Variants in AMPD3 observed in about 807,000 individuals in gnomAD.
The protein encoded by AMPD3 is AMP deaminase 3.
Under a neutral mutation model 82.3 loss-of-function variants are expected in AMPD3, and 57 were observed. The ratio of observed to expected loss-of-function variants is 0.69; its 90% CI spans 0.56 to 0.86. AMPD3 has a LOEUF of 0.86. Ranked by LOEUF, AMPD3 falls within the 40% of genes least tolerant of loss-of-function variation. The pLI is 0.00. For synonymous variants in AMPD3, 381 were observed against 394.7 expected, an observed-to-expected ratio of 0.97 and a Z score of 0.41; for missense variants, 870 against 1,003.8, an observed-to-expected ratio of 0.87 and a Z score of 1.80.
At chr11:10,473,438 G>T (rs545220947) in intron 2 of AMPD3, 2 of 985,308 alleles carry the variant, frequency 2.0e-6, no homozygotes, top group East Asian at 2.3e-4. Flanking sequence ...GATGAGTGGA[G>T]ATTACAGTAG....
chr11:10,483,797 T>C (rs1449318531), intron 4 of AMPD3, among the ~76,000 whole-genome samples: 1 of 152,234 alleles, frequency 6.6e-6, no homozygotes, highest in African/African-American at 2.4e-5. Context: ...CAAGCACAGA[T>C]GGAGGATGCC....
At chr11:10,497,600 G>C in intron 10 of AMPD3, 1 of 985,426 alleles carries the variant, frequency 1.0e-6, no homozygotes, top group Non-Finnish European at 1.2e-6. Flanking sequence ...TGGGGCACGG[G>C]GAAAGAATTG....
rs1198035274 is a variant in AMPD3 at position 10,455,319 on chromosome 11, AT to A, written c.-134del. 1.0e-6 allele frequency: 1 copy of A among 985,346 alleles called. No homozygotes were observed. The highest frequency in any genetic ancestry group is 1.2e-6 in the Non-Finnish European group (1 of 829,978). The allele number at this position is 985,346 out of a possible 1,614,324, so 61.0% of individuals were successfully genotyped here. On this transcript the variant is annotated 5_prime_UTR_variant, in exon 1 of 15. Transcript: ENST00000396553. ...CTTTGCACCCTGTGATGCCATTTTAATCAACCCTGCTTGGTTTTAGAGGATT... is the reference window on the plus strand; with the variant it reads ...CTTTGCACCCTGTGATGCCATTTTAACAACCCTGCTTGGTTTTAGAGGATT...
At position 10,458,175 on chromosome 11, in the gene AMPD3, A is replaced by T. The variant is rs144793661; in HGVS notation, c.-6+2727A>T. On this transcript the variant is annotated intron_variant, in intron 1 of 14. Coordinates refer to ENST00000396553, the MANE Select transcript of AMPD3 (RefSeq NM_001025389.2). Reference sequence around the variant, plus strand: ...CCTCTCAATAGTGTGGGTTAGGCTGATCTTGAACTCTTAGCCTCAAGTGAT... The same window carrying T: ...CCTCTCAATAGTGTGGGTTAGGCTGTTCTTGAACTCTTAGCCTCAAGTGAT... 4.0e-3 allele frequency among the ~76,000 whole-genome samples: 587 copies of T among 147,200 alleles called. 5 individuals carry two copies. Among genetic ancestry groups the T allele is most frequent in the African/African-American group, 0.014 (559 of 39,770 alleles).
chr11:10,501,431 G>T (rs10840430), intron 11 of AMPD3, 39 bp from the exon 12 acceptor site: 519,680 of 1,608,200 alleles, frequency 0.32, 85,617 homozygotes, highest in South Asian at 0.41. Context: ...GAGCCAACTG[G>T]GGGGGGCCTT....
intron 4 of AMPD3, 60 bp downstream of exon 4, chr11:10,482,285 G>A (rs1848933843): frequency 1.3e-6 from 2 of 1,581,140 alleles, no homozygotes; most frequent in South Asian, 2.2e-5. Context: ...GCTAGTCAGG[G>A]CTTTTTTCTG....
chr11:10,502,973 C>T (rs1172059238), intron 13 of AMPD3, 79 bp downstream of exon 13: 14 of 1,522,030 alleles, frequency 9.2e-6, no homozygotes, highest in Non-Finnish European at 9.1e-6. Flanking sequence ...GGAACCTGAG[C>T]CCATGGCTTA....
chr11:10,495,739 T>G lies in AMPD3; in HGVS notation c.1430+6T>G. The G allele has an allele frequency of 6.2e-7, 1 of 1,614,000 alleles. No homozygotes were observed. On this transcript the variant is annotated splice_donor_region_variant and intron_variant, in intron 9 of 14. Coordinates refer to ENST00000396553, the MANE Select transcript of AMPD3 (RefSeq NM_001025389.2). ...ATCCAGGTGCCCCGGATTTAGTAAGTGAGGTGGCCCGCTGTCTACCCTGTG... is the reference window on the plus strand; with the variant it reads ...ATCCAGGTGCCCCGGATTTAGTAAGGGAGGTGGCCCGCTGTCTACCCTGTG...
rs1392955247 is a variant in AMPD3, at chr11:10,496,392, G to A, written c.1431-420G>A. The stretch of plus-strand genomic sequence containing the variant: ...GCCTCTCCCTGGATGTCACTCAGAC[G>A]GCTGCTGTCCTCTCCAGGCGGCTGG... On this transcript the variant is annotated intron_variant, in intron 9 of 14. Coordinates refer to ENST00000396553, the MANE Select transcript of AMPD3 (RefSeq NM_001025389.2). 1.2e-5 allele frequency: 12 copies of A among 985,328 alleles called. No individual in the cohort carries two copies. In the South Asian group the frequency reaches 1.9e-4, roughly 15 times the overall value. The allele number at this position is 985,328 out of a possible 1,614,324, so 61.0% of individuals were successfully genotyped here.
In AMPD3 at chr11:10,495,695, T is replaced by A. The variant is rs1422792530; in HGVS notation, c.1392T>A (p.Ser464=). The A allele has an allele frequency of 8.1e-6, 13 of 1,614,064 alleles. No homozygotes were observed. Among genetic ancestry groups the A allele is most frequent in the Non-Finnish European group, 1.0e-5 (12 of 1,180,010 alleles). ...GGTTCATCCAGCACAAGGTCTACTCTCCCAACATGCGCTGGATCATCCAGG... is the reference window on the plus strand; with the variant it reads ...GGTTCATCCAGCACAAGGTCTACTCACCCAACATGCGCTGGATCATCCAGG... ...AYWFIQHKVY[S]PNMRWIIQVP... is the part of the protein sequence containing the mutation. The change falls in exon 9 of 15, where the codon TCT becomes TCA. Residue 464 remains serine (S), a synonymous_variant. Coordinates refer to ENST00000396553, the MANE Select transcript of AMPD3 (RefSeq NM_001025389.2).
rs1849737866 is a variant in AMPD3 at position 10,507,399 on chromosome 11, A to G, written c.*1515A>G. 6.6e-6 allele frequency: 1 copy of G among 152,218 alleles called. No homozygotes were observed. 9.4% of individuals were successfully genotyped at this position (152,218 alleles called of 1,614,324 possible). ...TTTTTACTAGGCAGATATATATGCT[A>G]TCTTACAGCTAATTATGAAATTGAA... On this transcript the variant is annotated 3_prime_UTR_variant, in exon 15 of 15. Coordinates refer to ENST00000396553, the MANE Select transcript of AMPD3 (RefSeq NM_001025389.2).
rs1849730322 is a variant in AMPD3 at position 10,507,045 on chromosome 11, A to G, written c.*1161A>G. ...CATTTTTAAAGATTAATCTGAATTA[A>G]GCTTTATCAGTGTACTCTTTATCTG... On this transcript the variant is annotated 3_prime_UTR_variant, in exon 15 of 15. Coordinates refer to ENST00000396553, the MANE Select transcript of AMPD3 (RefSeq NM_001025389.2). 6.6e-6 allele frequency: 1 copy of G among 152,618 alleles called. No homozygotes were observed. Among genetic ancestry groups the G allele is most frequent in the African/African-American group, 2.4e-5 (1 of 41,444 alleles). The allele number at this position is 152,618 out of a possible 1,614,324, so 9.5% of individuals were successfully genotyped here.
At position 10,505,690 on chromosome 11, in the gene AMPD3, A is replaced by G; in HGVS notation, c.2128-18A>G. 1 of 1,612,430 alleles carries G rather than the reference A, an allele frequency of 6.2e-7. No individual in the cohort carries two copies. Among genetic ancestry groups the G allele is most frequent in the South Asian group, 1.1e-5 (1 of 91,068 alleles). Reference sequence around the variant, plus strand: ...ATCAAAAGTATATAGTTTCATTTGTATTTCTCTTGGTCCACAGGAAAAGCA... The same window carrying G: ...ATCAAAAGTATATAGTTTCATTTGTGTTTCTCTTGGTCCACAGGAAAAGCA... On this transcript the variant is annotated intron_variant, in intron 14 of 14. Transcript: ENST00000396553.
rs1393644845 is a variant in AMPD3, at chr11:10,456,206, C to A, written c.-6+758C>A. ...TTCATATTCACGAGAGAATTTCCAG[C>A]CCAGGCTTTTCCTGCTCTGGCTCAC... On this transcript the variant is annotated intron_variant, in intron 1 of 14. Transcript: ENST00000396553. This position sits in a 1 kb window ranked among gnomAD's most constrained non-coding sequence, Gnocchi z 4.3. 2.8e-6 allele frequency: 4 copies of A among 1,439,462 alleles called. No individual in the cohort carries two copies. The highest frequency in any genetic ancestry group is 3.6e-6 in the Non-Finnish European group (4 of 1,097,754). 89.2% of individuals were successfully genotyped at this position (1,439,462 alleles called of 1,614,324 possible). A position where few individuals can be genotyped will look rare whatever the true frequency, so the allele number is the denominator to read the frequency against.
intron 10 of AMPD3, among the ~76,000 whole-genome samples, chr11:10,497,430 A>G (rs11042854): frequency 0.59 from 88,902 of 151,968 alleles, 26,752 homozygotes; most frequent in East Asian, 0.78. Flanking sequence ...GGAGAGGAGC[A>G]GTCTGGGAGA....
rs1216736785 is a variant in AMPD3, at chr11:10,500,084, A to T, written c.1558-2A>T. The T allele has an allele frequency of 6.2e-7, 1 of 1,614,060 alleles. No individual in the cohort carries two copies. Among genetic ancestry groups the T allele is most frequent in the Non-Finnish European group, 8.5e-7 (1 of 1,180,022 alleles). On this transcript the variant is annotated splice_acceptor_variant, in intron 10 of 14. Transcript: ENST00000396553. LOFTEE classifies it high-confidence loss of function. ...CTGGTGCTCAGGACCTCTCCTGCCC[A>T]GGTGACGGGGTTTGACAGCGTGGAT...
intron 2 of AMPD3, among the ~76,000 whole-genome samples, chr11:10,470,019 G>C (rs955665636): frequency 9.8e-5 from 14 of 142,714 alleles, no homozygotes; most frequent in Non-Finnish European, 2.1e-4. Flanking sequence ...CAGCCTGGGC[G>C]ACAGAGCGAG....
Position 10,493,756 on chromosome 11 carries a change from G to A in AMPD3, c.1134+213G>A, listed in dbSNP as rs112479066. 2,129 of 647,690 alleles carry A rather than the reference G, an allele frequency of 3.3e-3. 37 individuals carry two copies. The highest frequency in any genetic ancestry group is 0.033 in the African/African-American group (1,825 of 55,818). 40.1% of individuals were successfully genotyped at this position (647,690 alleles called of 1,614,324 possible). A position where few individuals can be genotyped will look rare whatever the true frequency, so the allele number is the denominator to read the frequency against. ...AGGGTGTGTGGCTTGGGGCCTGACA[G>A]GTCTAAGCACTAATCCCACTCCTGC... is the stretch of plus-strand genomic sequence containing the variant. On this transcript the variant is annotated intron_variant, in intron 7 of 14. Coordinates refer to ENST00000396553, the MANE Select transcript of AMPD3 (RefSeq NM_001025389.2).
chr11:10,473,599 G>T (rs1042789221), intron 2 of AMPD3: 3 of 985,248 alleles, frequency 3.0e-6, no homozygotes, highest in East Asian at 2.3e-4. Context: ...TGGCCAGGAT[G>T]CTGGTCATCT....
Sources: allele counts gnomAD v4.1 joint callset (sites outside exome capture counted in the v4.1 genomes callset), GRCh38; gene constraint gnomAD v4.1.1; non-coding constraint Gnocchi (gnomAD v3.1); transcripts MANE v1.5; gene names NCBI Gene and HGNC (gene_info 2026-07-23, HGNC 2026-07-21).